The following CYP4F11 variants were observed in gnomAD, a reference collection of about 807,000 sequenced individuals.
CYP4F11 encodes cytochrome P450 family 4 subfamily F member 11.
Under a neutral mutation model 62.2 loss-of-function variants are expected in CYP4F11, and 79 were observed. The ratio of observed to expected loss-of-function variants is 1.27; its 90% CI spans 1.06 to 1.53. The LOEUF is 1.53. CYP4F11 is among the 40% of genes most tolerant of loss of function. CYP4F11 has a pLI of 0.00. For synonymous variants in CYP4F11, 290 were observed against 263.7 expected (o/e 1.10, Z -0.97); for missense variants, 777 against 680.5 (o/e 1.14, Z -1.58).
At chr19:15,934,532 G>C, upstream of CYP4F11, 1 of 1,180,250 alleles carries the variant, frequency 8.5e-7, no homozygotes. Context: ...AAGGCTCTGA[G>C]ATGGGTAAAC....
Position 15,914,680 on chromosome 19 carries a change from G to A in CYP4F11, c.1250-14C>T, listed in dbSNP as rs375685652. On this transcript the variant is annotated splice_polypyrimidine_tract_variant and intron_variant, in intron 9 of 11. Coordinates refer to ENST00000402119, the MANE Select transcript of CYP4F11 (RefSeq NM_021187.4). ...GGCAGACAATGCCTGTGGGAGAGAA[G>A]AGGGCAGTCAGGACAAGGCCCCCCT... 4.2e-5 allele frequency: 68 copies of A among 1,614,104 alleles called. No homozygotes were observed. Among genetic ancestry groups the A allele is most frequent in the Non-Finnish European group, 5.3e-5 (63 of 1,180,044 alleles).
intron 1 of CYP4F11, among the ~76,000 whole-genome samples, chr19:15,931,374 C>A (rs1759425368): frequency 6.6e-6 from 1 of 151,984 alleles, no homozygotes; most frequent in South Asian, 2.1e-4. Context: ...GGAGAAGGTG[C>A]AAATGCCAGG....
chr19:15,924,338 A>G (rs1209248651), intron 5 of CYP4F11, among the ~76,000 whole-genome samples: 1 of 152,084 alleles, frequency 6.6e-6, no homozygotes, highest in Middle Eastern at 3.2e-3. Context: ...TTTTCCTTCC[A>G]AAAACTGTTC....
intron 1 of CYP4F11, among the ~76,000 whole-genome samples, chr19:15,930,894 G>A (rs1252385644): frequency 6.6e-6 from 1 of 152,150 alleles, no homozygotes; most frequent in Admixed American, 6.5e-5. Context: ...ACTCTTAACT[G>A]TCTACAGTAA....
Position 15,913,679 on chromosome 19 carries a change from C to G in CYP4F11, c.*53G>C, listed in dbSNP as rs1449669746. 1.9e-6 allele frequency: 3 copies of G among 1,607,334 alleles called. No individual in the cohort carries two copies. Among genetic ancestry groups the G allele is most frequent in the Non-Finnish European group, 2.6e-6 (3 of 1,175,262 alleles). Reference sequence around the variant, plus strand: ...GTCAACGAGGCTCAAGCAGAGGTGTCAGCATAGTTTTGTTTCTGGGACTCT... The same window carrying G: ...GTCAACGAGGCTCAAGCAGAGGTGTGAGCATAGTTTTGTTTCTGGGACTCT... On this transcript the variant is annotated 3_prime_UTR_variant, in exon 12 of 12. Transcript: ENST00000402119.
rs12980517 is a variant in CYP4F11, at chr19:15,930,727, G to A, written c.199-1126C>T. On this transcript the variant is annotated intron_variant, in intron 1 of 11. Coordinates refer to ENST00000402119, the MANE Select transcript of CYP4F11 (RefSeq NM_021187.4). ...TGGGGATGGCCACATGGAAAAGTCC[G>A]CATGGAAGGAGGTCTGTGGACAGCA... 3.9e-5 allele frequency among the ~76,000 whole-genome samples: 6 copies of A among 152,070 alleles called. No individual in the cohort carries two copies. In the South Asian group the frequency reaches 6.2e-4, roughly 16 times the overall value.
chr19:15,929,478 G>C lies in CYP4F11; in HGVS notation c.322C>G (p.Arg108Gly). The C allele has an allele frequency of 6.2e-7, 1 of 1,614,116 alleles. No individual in the cohort carries two copies. The highest frequency in any genetic ancestry group is 2.2e-5 in the East Asian group (1 of 44,884). ...LLILCHPDII[R>G]PITSASAAVA... ...GTACCTGAGGCACTGGTGATAGGCC[G>C]GATAATGTCAGGGTGGCATAAAATG... is the stretch of plus-strand genomic sequence containing the variant. The change falls in exon 2 of 12, where the codon CGG (arginine) becomes GGG (glycine). Residue 108 changes from arginine (R) to glycine (G), a missense_variant. Arg to Gly is a moderately radical substitution (Grantham distance 125, BLOSUM62 -2). Transcript: ENST00000402119.
intron 8 of CYP4F11, among the ~76,000 whole-genome samples, chr19:15,919,616 T>C (rs1328631422): frequency 1.3e-5 from 2 of 151,892 alleles, no homozygotes; most frequent in Non-Finnish European, 2.9e-5. Flanking sequence ...GGTGGGAATG[T>C]CAAGGTTAAA....
intron 8 of CYP4F11, among the ~76,000 whole-genome samples, chr19:15,921,138 C>T (rs74957415): frequency 3.3e-5 from 5 of 149,914 alleles, no homozygotes; most frequent in Non-Finnish European, 5.9e-5. Flanking sequence ...CCTCCCTCGA[C>T]CTTTGCCTAG....
In CYP4F11 at chr19:15,918,545, G is replaced by C. The variant is rs143857798; in HGVS notation, c.1115+3492C>G. Among the ~76,000 whole-genome samples, 562 of 152,238 alleles carry C rather than the reference G, an allele frequency of 3.7e-3. 1 individual carries two copies. The highest frequency in any genetic ancestry group is 0.012 in the African/African-American group (501 of 41,536). ...TAGATTTTTTATTATTATTAAAATT[G>C]TGGAGTAAAATGGCCTTTTATTCTG... On this transcript the variant is annotated intron_variant, in intron 8 of 11. Coordinates refer to ENST00000402119, the MANE Select transcript of CYP4F11 (RefSeq NM_021187.4).
Position 15,929,606 on chromosome 19 carries a change from A to G in CYP4F11, c.199-5T>C, listed in dbSNP as rs775874578. 9 of 1,587,562 alleles carry G rather than the reference A, an allele frequency of 5.7e-6. No individual in the cohort carries two copies. The highest frequency in any genetic ancestry group is 1.7e-4 in the Middle Eastern group (1 of 5,918). ...GCCCTCTTCCGTGGGAGTGACCTGA[A>G]AACAAGGCAGAGGCCGTCAGCCCTT... On this transcript the variant is annotated splice_region_variant and splice_polypyrimidine_tract_variant and intron_variant, in intron 1 of 11. Coordinates refer to ENST00000402119, the MANE Select transcript of CYP4F11 (RefSeq NM_021187.4).
chr19:15,914,338 G>C lies in CYP4F11; in HGVS notation c.1364C>G (p.Pro455Arg), dbSNP rs2089563793. 3 of 1,614,132 alleles carry C rather than the reference G, an allele frequency of 1.9e-6. No individual in the cohort carries two copies. Among genetic ancestry groups the C allele is most frequent in the East Asian group, 4.5e-5 (2 of 44,868 alleles). Residue 455 changes from proline to arginine, a missense_variant, in exon 11 of 12, where the codon CCT becomes CGT. Pro to Arg is a moderately radical substitution (Grantham distance 103, BLOSUM62 -2). Coordinates refer to ENST00000402119, the MANE Select transcript of CYP4F11 (RefSeq NM_021187.4). ...TGCCGAGAAGGGAATAAAAGCCAGA[G>C]GTGACCTCTCCTTGATGTTCTCTTG... ...FDQENIKERS[P>R]LAFIPFSAGP...
intron 8 of CYP4F11, among the ~76,000 whole-genome samples, chr19:15,917,490 A>G (rs1434992764): frequency 6.6e-6 from 1 of 152,174 alleles, no homozygotes; most frequent in Non-Finnish European, 1.5e-5. Flanking sequence ...GCAAGAACAG[A>G]AAAACAGACC....
chr19:15,931,636 GTGAGCGAGGAGAGGAA>G (rs1326230818), intron 1 of CYP4F11, among the ~76,000 whole-genome samples: 36 of 69,494 alleles, frequency 5.2e-4, no homozygotes, highest in African/African-American at 7.0e-4. Context: ...AGAGGAATGA[GTGAGCGAGGAGAGGAA>G]TGAGTGAGCG....
Position 15,934,434 on chromosome 19 carries a change from T to TG in CYP4F11, c.-27dup. On this transcript the variant is annotated 5_prime_UTR_variant, in exon 1 of 12. Coordinates refer to ENST00000402119, the MANE Select transcript of CYP4F11 (RefSeq NM_021187.4). The stretch of plus-strand genomic sequence containing the variant: ...CCTGCAGGGCAGACGGGATGGAGGG[T>TG]GGGATCCTGAGGCCCAGGGAAGGGC... 5.6e-6 allele frequency: 9 copies of TG among 1,608,860 alleles called. No individual in the cohort carries two copies. The highest frequency in any genetic ancestry group is 7.6e-6 in the Non-Finnish European group (9 of 1,178,334).
chr19:15,919,483 GAT>G (rs1341646906), intron 8 of CYP4F11, among the ~76,000 whole-genome samples: 1 of 105,934 alleles, frequency 9.4e-6, no homozygotes, highest in Admixed American at 9.7e-5. Flanking sequence ...TAGATAGATA[GAT>G]AGATAGATAG....
Position 15,914,322 on chromosome 19 carries a change from G to A in CYP4F11, c.1380C>T (p.Pro460=), listed in dbSNP as rs769245254. 5.0e-6 allele frequency: 8 copies of A among 1,613,974 alleles called. No individual in the cohort carries two copies. In the African/African-American group the frequency reaches 1.1e-4, roughly 22 times the overall value. The change falls in exon 11 of 12, where the codon CCC becomes CCT. Residue 460 remains proline, a synonymous_variant. Coordinates refer to ENST00000402119, the MANE Select transcript of CYP4F11 (RefSeq NM_021187.4). ...IKERSPLAFI[P]FSAGPRNCIG... ...ATCCTTACCTGGGCCCTGCCGAGAA[G>A]GGAATAAAAGCCAGAGGTGACCTCT...
Position 15,934,409 on chromosome 19 carries a change from C to A in CYP4F11, c.-1G>T, listed in dbSNP as rs1409744593. On this transcript the variant is annotated 5_prime_UTR_variant, in exon 1 of 12. Transcript: ENST00000402119. ...GCCAGGACAGGCTCAGCTGCGGCAT[C>A]CTGCAGGGCAGACGGGATGGAGGGT... The A allele has an allele frequency of 3.1e-6, 5 of 1,612,800 alleles. No individual in the cohort carries two copies. The highest frequency in any genetic ancestry group is 4.2e-6 in the Non-Finnish European group (5 of 1,179,492).
At chr19:15,931,117 T>C (rs2089712074) in intron 1 of CYP4F11, among the ~76,000 whole-genome samples, 1 of 149,260 alleles carries the variant, frequency 6.7e-6, no homozygotes, top group African/African-American at 2.6e-5. Flanking sequence ...TTCAGGCAGG[T>C]AACAAGGCCG....
Sources: gnomAD v4.1 joint callset for allele counts (sites outside exome capture counted in the v4.1 genomes callset) on GRCh38, gnomAD v4.1.1 for gene constraint, MANE v1.5 for transcripts, NCBI Gene and HGNC (gene_info 2026-07-23, HGNC 2026-07-21) for gene names.